DDR2: variants seen among roughly 807,000 people sequenced by gnomAD.
The protein encoded by DDR2 is discoidin domain-containing receptor 2.
DDR2 carries 27 observed loss-of-function variants against 94.9 expected under a neutral mutation model. The observed-to-expected ratio is 0.28, with a 90% CI of 0.21 to 0.39. The LOEUF (loss-of-function observed/expected upper bound fraction) is 0.39. Among genes scored for constraint, DDR2 ranks in the 10% least tolerant of loss-of-function variants. DDR2 has a pLI of 1.00. For synonymous variants in DDR2, 382 were observed against 377.2 expected (o/e 1.01, Z -0.15); for missense variants, 783 against 1,076.0 (o/e 0.73, Z 3.81).
intron 3 of DDR2, among the ~76,000 whole-genome samples, chr1:162,732,706 C>T (rs1299307291): frequency 6.6e-6 from 1 of 152,244 alleles, no homozygotes; most frequent in African/African-American, 2.4e-5. Context: ...GCCCAGGTGT[C>T]AGGTCTCTGC....
rs528341346 is a variant in DDR2 at position 162,787,118 on chromosome 1, G to A, written c.*6872G>A. On this transcript the variant is annotated 3_prime_UTR_variant, in exon 18 of 18. Coordinates refer to ENST00000367921, the MANE Select transcript of DDR2 (RefSeq NM_006182.4). The stretch of plus-strand genomic sequence containing the variant: ...TTTAGTTTTCTGAGAATATTTCTCA[G>A]AATATGTGAGTTTTCTGAGCACATT... 7.2e-5 allele frequency: 11 copies of A among 152,266 alleles called. No individual in the cohort carries two copies. Among genetic ancestry groups the A allele is most frequent in the African/African-American group, 2.2e-4 (9 of 41,544 alleles). 9.4% of individuals were successfully genotyped at this position (152,266 alleles called of 1,614,324 possible). A position where few individuals can be genotyped will look rare whatever the true frequency, so the allele number is the denominator to read the frequency against.
At chr1:162,763,536 G>C (rs1217415916) in intron 9 of DDR2, among the ~76,000 whole-genome samples, 2 of 151,858 alleles carry the variant, frequency 1.3e-5, no homozygotes, top group African/African-American at 4.8e-5. Flanking sequence ...TTGCTCTTTT[G>C]ATCTGACCCT....
rs1353946908 is a variant in DDR2, at chr1:162,761,249, C to A, written c.894C>A (p.Ile298=). ...CNNMFAKGVK[I]FKEVQCYFRS... The stretch of plus-strand genomic sequence containing the variant: ...ACATGTTTGCTAAAGGTGTGAAGAT[C>A]TTTAAGGAGGTACAGTGCTACTTCC... The change falls in exon 9 of 18, where the codon ATC becomes ATA. Residue 298 remains isoleucine, a synonymous_variant. Transcript: ENST00000367921. 2 of 1,614,144 alleles carry A rather than the reference C, an allele frequency of 1.2e-6. No individual in the cohort carries two copies. The highest frequency in any genetic ancestry group is 2.2e-5 in the South Asian group (2 of 91,064).
intron 3 of DDR2, among the ~76,000 whole-genome samples, chr1:162,722,365 T>A (rs1571242721): frequency 6.6e-6 from 1 of 152,168 alleles, no homozygotes; most frequent in Non-Finnish European, 1.5e-5. Context: ...GACATGAAGG[T>A]GTATATACAT....
At chr1:162,735,367 T>C (rs562188781) in intron 3 of DDR2, among the ~76,000 whole-genome samples, 161 of 152,316 alleles carry the variant, frequency 1.1e-3, no homozygotes, top group African/African-American at 3.5e-3. Context: ...TGTCCTCCCC[T>C]ACTTCCTCTA....
At chr1:162,762,360 C>CATTTTGTCAAGA (rs1432403726) in intron 9 of DDR2, among the ~76,000 whole-genome samples, 1 of 152,050 alleles carries the variant, frequency 6.6e-6, no homozygotes, top group African/African-American at 2.4e-5. Flanking sequence ...TCTTTATAAG[C>CATTTTGTCAAGA]ATTCTATATA....
intron 2 of DDR2, among the ~76,000 whole-genome samples, chr1:162,694,179 T>A (rs1288267135): frequency 6.6e-6 from 1 of 152,210 alleles, no homozygotes; most frequent in Non-Finnish European, 1.5e-5. Flanking sequence ...TTCCATTTTT[T>A]TCTCTTCTGA....
chr1:162,636,823 T>C (rs891299823), intron 1 of DDR2, among the ~76,000 whole-genome samples: 1 of 152,158 alleles, frequency 6.6e-6, no homozygotes, highest in Non-Finnish European at 1.5e-5. Context: ...AGATGGGAGA[T>C]GGATTAAAAA....
intron 2 of DDR2, among the ~76,000 whole-genome samples, chr1:162,678,935 A>G (rs1409261567): frequency 6.6e-6 from 1 of 152,224 alleles, no homozygotes; most frequent in Non-Finnish European, 1.5e-5. Flanking sequence ...ACAAATTTTC[A>G]GAGACACAGA....
At chr1:162,695,539 G>A (rs1157183872) in intron 2 of DDR2, among the ~76,000 whole-genome samples, 6 of 152,152 alleles carry the variant, frequency 3.9e-5, no homozygotes, top group East Asian at 1.9e-4. Flanking sequence ...CCAGAAAGCC[G>A]TGATTTTTAA....
chr1:162,774,576 C>T (rs776128508), intron 14 of DDR2, among the ~76,000 whole-genome samples: 5 of 152,126 alleles, frequency 3.3e-5, no homozygotes, highest in Non-Finnish European at 5.9e-5. Context: ...AAGTGACATT[C>T]TCTGGGTCTT....
intron 3 of DDR2, among the ~76,000 whole-genome samples, chr1:162,733,118 G>C (rs954812915): frequency 6.6e-6 from 1 of 152,238 alleles, no homozygotes; most frequent in African/African-American, 2.4e-5. Flanking sequence ...ACACTTCTTT[G>C]CTGCAGGGTC....
At chr1:162,724,838 C>T (rs1010860858) in intron 3 of DDR2, among the ~76,000 whole-genome samples, 4 of 152,006 alleles carry the variant, frequency 2.6e-5, no homozygotes, top group Admixed American at 1.3e-4. Flanking sequence ...GATAAAAGGC[C>T]GGCAAAAGAC....
intron 3 of DDR2, among the ~76,000 whole-genome samples, chr1:162,722,385 T>C (rs1454455744): frequency 6.6e-6 from 1 of 152,162 alleles, no homozygotes; most frequent in South Asian, 2.1e-4. Context: ...TAGTCCTGAA[T>C]TGTGGGCAGA....
chr1:162,698,983 T>C (rs994825700), intron 2 of DDR2, among the ~76,000 whole-genome samples: 1 of 152,198 alleles, frequency 6.6e-6, no homozygotes, highest in Admixed American at 6.5e-5. Flanking sequence ...AGCTTTATAA[T>C]CTGTAATCCA....
At chr1:162,699,645 A>G (rs1660341586) in intron 2 of DDR2, among the ~76,000 whole-genome samples, 1 of 152,230 alleles carries the variant, frequency 6.6e-6, no homozygotes, top group South Asian at 2.1e-4. Flanking sequence ...TTGTCTTCAA[A>G]ACATGAAAAA....
At position 162,767,268 on chromosome 1, in the gene DDR2, T is replaced by C. The variant is rs1417662811; in HGVS notation, c.1202T>C (p.Leu401Pro). The C allele has an allele frequency of 6.2e-7, 1 of 1,614,150 alleles. No homozygotes were observed. The highest frequency in any genetic ancestry group is 2.2e-5 in the East Asian group (1 of 44,876). Residue 401 changes from leucine (L) to proline (P), a missense_variant, in exon 11 of 18, where the codon CTG becomes CCG. By Grantham distance (98) the Leu-to-Pro change is moderately conservative. Around this residue, in one of 2 missense-constraint regions of DDR2, gnomAD observed 519 missense variants for 647.9 expected, o/e 0.80. Coordinates refer to ENST00000367921, the MANE Select transcript of DDR2 (RefSeq NM_006182.4). ...GTTGATGACAGCAACACTCGGATCCTGATTGGCTGCTTGGTGGCCATCATC... is the reference window on the plus strand; with the variant it reads ...GTTGATGACAGCAACACTCGGATCCCGATTGGCTGCTTGGTGGCCATCATC... Reference protein sequence around the residue: ...LKVDDSNTRILIGCLVAIIFI... With the variant: ...LKVDDSNTRIPIGCLVAIIFI...
rs114399637 is a variant in DDR2, at chr1:162,723,853, G to A, written c.82+4708G>A. Among the ~76,000 whole-genome samples, 332 of 152,310 alleles carry A rather than the reference G, an allele frequency of 2.2e-3. 2 individuals are homozygous for A. The highest frequency in any genetic ancestry group is 7.7e-3 in the African/African-American group (318 of 41,568). The stretch of plus-strand genomic sequence containing the variant: ...ACTACCAGTTCAGAGTCCTGGGGTG[G>A]GAGTCCCCCTTTGGTATCCAGAATG... On this transcript the variant is annotated intron_variant, in intron 3 of 17. Coordinates refer to ENST00000367921, the MANE Select transcript of DDR2 (RefSeq NM_006182.4).
intron 2 of DDR2, among the ~76,000 whole-genome samples, chr1:162,697,722 A>G (rs61811978): frequency 0.059 from 8,983 of 152,306 alleles, 317 homozygotes; most frequent in Admixed American, 0.08. Flanking sequence ...GTTTCTAGGT[A>G]TTAACTTATT....
Sources: allele counts gnomAD v4.1 joint callset (sites outside exome capture counted in the v4.1 genomes callset), GRCh38; gene constraint gnomAD v4.1.1; regional missense constraint gnomAD v4.1.1; transcripts MANE v1.5; gene names NCBI Gene and HGNC (gene_info 2026-07-23, HGNC 2026-07-21).